Variants in MMP26 observed in about 807,000 individuals in gnomAD.
MMP26 encodes the protein matrix metalloproteinase-26.
Under a neutral mutation model 31.0 loss-of-function variants are expected in MMP26, and 33 were observed. That is an observed-to-expected ratio of 1.06 (90% CI 0.81 to 1.42). The LOEUF (loss-of-function observed/expected upper bound fraction) is 1.42. Ranked by LOEUF, MMP26 falls within the 40% of genes most tolerant of loss-of-function variation. MMP26 has a pLI of 0.00. For missense variants in MMP26, 347 were observed against 316.1 expected (o/e 1.10, Z -0.74); for synonymous variants, 122 against 114.9 (o/e 1.06, Z -0.40).
At chr11:4,767,579 T>G (rs1235196453) in intron 2 of MMP26, among the ~76,000 whole-genome samples, 2 of 152,194 alleles carry the variant, frequency 1.3e-5, no homozygotes, top group African/African-American at 4.8e-5. Context: ...CTCAATGCTA[T>G]TAAATTAAAT....
At chr11:4,856,920 A>C (rs1850062297) in intron 2 of MMP26, among the ~76,000 whole-genome samples, 1 of 152,150 alleles carries the variant, frequency 6.6e-6, no homozygotes, top group Non-Finnish European at 1.5e-5. Context: ...TAAGAAACTC[A>C]CTCAAAACCG....
chr11:4,717,904 A>G (rs1847956528), intron 1 of MMP26, among the ~76,000 whole-genome samples: 1 of 152,238 alleles, frequency 6.6e-6, no homozygotes, highest in Non-Finnish European at 1.5e-5. Context: ...ATAAAAATTC[A>G]TAACATTAAA....
At chr11:4,942,556 C>T (rs1846229504) in intron 2 of MMP26, among the ~76,000 whole-genome samples, 2 of 151,984 alleles carry the variant, frequency 1.3e-5, no homozygotes, top group African/African-American at 2.4e-5. Flanking sequence ...ATCTTCTATT[C>T]CTTGGTTTCT....
At chr11:4,807,844 G>A (rs1260310681) in intron 2 of MMP26, among the ~76,000 whole-genome samples, 3 of 151,982 alleles carry the variant, frequency 2.0e-5, no homozygotes. Flanking sequence ...TCACTCTGTT[G>A]TCCAGGCTGG....
At chr11:4,985,153 A>G (rs1846867554) in intron 2 of MMP26, among the ~76,000 whole-genome samples, 1 of 145,066 alleles carries the variant, frequency 6.9e-6, no homozygotes, top group Non-Finnish European at 1.5e-5. Context: ...TGCCTCATTT[A>G]ATACATAATC....
At chr11:4,944,220 C>A in intron 2 of MMP26, 1 of 387,806 alleles carries the variant, frequency 2.6e-6, no homozygotes, top group Non-Finnish European at 5.0e-6. Flanking sequence ...TGAAAACATA[C>A]GTAGTCCTGA....
At chr11:4,977,129 T>TATCTGCTG (rs1267382914) in intron 2 of MMP26, among the ~76,000 whole-genome samples, 10 of 151,662 alleles carry the variant, frequency 6.6e-5, no homozygotes, top group African/African-American at 2.4e-4. Context: ...AAAGATTTCT[T>TATCTGCTG]GCTCTTGTGT....
chr11:4,934,973 C>G (rs1851412410), intron 2 of MMP26, among the ~76,000 whole-genome samples: 1 of 151,838 alleles, frequency 6.6e-6, no homozygotes, highest in Admixed American at 6.6e-5. Flanking sequence ...GTTTTGGTTA[C>G]TGTAGCCTTG....
chr11:4,753,288 T>C (rs1405401870), intron 1 of MMP26, among the ~76,000 whole-genome samples: 1 of 152,164 alleles, frequency 6.6e-6, no homozygotes, highest in Non-Finnish European at 1.5e-5. Flanking sequence ...ATAAATAGAA[T>C]CATGTATTAT....
chr11:4,810,568 G>A (rs755370809), intron 2 of MMP26, among the ~76,000 whole-genome samples: 1 of 152,212 alleles, frequency 6.6e-6, no homozygotes, highest in Non-Finnish European at 1.5e-5. Flanking sequence ...GTGTGTACAT[G>A]AGTATGTATA....
chr11:4,789,846 A>G (rs1339704108), intron 2 of MMP26, among the ~76,000 whole-genome samples: 2 of 152,066 alleles, frequency 1.3e-5, no homozygotes, highest in Admixed American at 1.3e-4. Context: ...TCCCTTTTAA[A>G]GAAGAGAAAT....
intron 2 of MMP26, among the ~76,000 whole-genome samples, chr11:4,862,343 T>C (rs1011079634): frequency 6.6e-6 from 1 of 152,202 alleles, no homozygotes; most frequent in Non-Finnish European, 1.5e-5. Flanking sequence ...ATTGAGCATA[T>C]GTAAGGCATT....
chr11:4,897,114 A>G (rs1850715866), intron 2 of MMP26, among the ~76,000 whole-genome samples: 1 of 146,948 alleles, frequency 6.8e-6, no homozygotes, highest in African/African-American at 2.5e-5. Flanking sequence ...ACACACACAC[A>G]CAGACACACA....
At chr11:4,938,010 A>C (rs1289230527) in intron 2 of MMP26, 1 of 152,224 alleles carries the variant, frequency 6.6e-6, no homozygotes, top group Non-Finnish European at 1.5e-5. Context: ...ATGGAGCTGC[A>C]TGAATTTCAT....
chr11:4,968,575 A>G (rs1846626419), intron 2 of MMP26, among the ~76,000 whole-genome samples: 2 of 152,086 alleles, frequency 1.3e-5, no homozygotes, highest in Middle Eastern at 3.4e-3. Context: ...TTATCATAGC[A>G]TAAATAGCAT....
chr11:4,992,061 G>A lies in MMP26; in HGVS notation c.693G>A (p.Trp231Ter), dbSNP rs955619682. 8 of 1,613,808 alleles carry A rather than the reference G, an allele frequency of 5.0e-6. No individual in the cohort carries two copies. The highest frequency in any genetic ancestry group is 6.8e-6 in the Non-Finnish European group (8 of 1,179,948). The change falls in exon 7 of 8, where the codon TGG becomes TGA. Residue 231 changes from tryptophan (W) to a stop codon, truncating the protein, a stop_gained. Transcript: ENST00000380390. LOFTEE classifies it high-confidence loss of function. Reference protein sequence around the residue: ...NQSSIMYPTYWYHDPRTFQLS... With the variant: ...NQSSIMYPTY ...GCTCCATAATGTACCCCACTTACTG[G>A]TATCACGACCCTAGAACCTTCCAGC...
chr11:4,723,052 C>T (rs754004178), intron 1 of MMP26: 136 of 1,158,510 alleles, frequency 1.2e-4, no homozygotes, highest in Non-Finnish European at 1.7e-4. Flanking sequence ...GTTTGACTTT[C>T]ATCAGCTCCT....
At chr11:4,731,004 G>A (rs916202587) in intron 1 of MMP26, among the ~76,000 whole-genome samples, 1 of 152,064 alleles carries the variant, frequency 6.6e-6, no homozygotes, top group African/African-American at 2.4e-5. Context: ...GAATGCAATG[G>A]TGCGATCTTG....
chr11:4,854,109 G>T (rs1477989078), intron 2 of MMP26, among the ~76,000 whole-genome samples: 2 of 152,176 alleles, frequency 1.3e-5, no homozygotes, highest in Non-Finnish European at 2.9e-5. Context: ...TTCCAAGATG[G>T]CTGAATAGGA....
Sources: gnomAD v4.1 joint callset for allele counts (sites outside exome capture counted in the v4.1 genomes callset) on GRCh38, gnomAD v4.1.1 for gene constraint, MANE v1.5 for transcripts, NCBI Gene and HGNC (gene_info 2026-07-23, HGNC 2026-07-21) for gene names.